TMEM223: variants seen among roughly 807,000 people sequenced by gnomAD.
TMEM223 encodes transmembrane protein 223.
A neutral mutation model predicts 14.1 loss-of-function variants in TMEM223; 14 were observed. The observed-to-expected ratio is 0.99, with a 90% CI of 0.66 to 1.55. TMEM223 has a LOEUF of 1.55. Ranked by LOEUF, TMEM223 falls within the 40% of genes most tolerant of loss-of-function variation. The pLI, the probability that TMEM223 is intolerant of heterozygous loss-of-function variation, is 0.00. For missense variants in TMEM223, 346 were observed against 269.9 expected (o/e 1.28, Z -1.97); for synonymous variants, 145 against 120.5 (o/e 1.20, Z -1.33).
chr11:62,783,744 G>C (rs2084248169), downstream of TMEM223, among the ~76,000 whole-genome samples: 1 of 151,566 alleles, frequency 6.6e-6, no homozygotes, highest in Admixed American at 6.6e-5. Flanking sequence ...TGTTAGCCAG[G>C]CTGGTCTCAA....
At chr11:62,781,709 A>G in intron 1 of TMEM223, 1 of 556,256 alleles carries the variant, frequency 1.8e-6, no homozygotes, top group Non-Finnish European at 3.2e-6. Flanking sequence ...TCAGGGCCAT[A>G]TGCAGGTATA....
At chr11:62,773,211 G>A (rs187252487) in intron 2 of TMEM223, among the ~76,000 whole-genome samples, 2,914 of 150,658 alleles carry the variant, frequency 0.019, 80 homozygotes, top group African/African-American at 0.066. Context: ...GCAGTGGTGC[G>A]ATCTTGGCTC....
chr11:62,788,429 GC>G (rs2084315166), downstream of TMEM223, among the ~76,000 whole-genome samples: 1 of 151,798 alleles, frequency 6.6e-6, no homozygotes, highest in South Asian at 2.1e-4. Context: ...CACTGGCCGG[GC>G]CTGGTGGCTC....
rs768601243 is a variant in TMEM223 at position 62,791,859 on chromosome 11, TGAA to T, written c.133_135del (p.Phe45del). 1 of 1,592,590 alleles carries T rather than the reference TGAA, an allele frequency of 6.3e-7. No individual in the cohort carries two copies. Among genetic ancestry groups the T allele is most frequent in the African/African-American group, 1.3e-5 (1 of 74,670 alleles). ...CCCGCGCAGAACAGCCCGAGGATGGTGAAGAAGCGGCCCCGATCATGCTCAAAG... is the reference window on the plus strand; with the variant it reads ...CCCGCGCAGAACAGCCCGAGGATGGTGAAGCGGCCCCGATCATGCTCAAAG... On this transcript the variant is annotated inframe_deletion, in exon 1 of 2. Transcript: ENST00000307366.
downstream of TMEM223, among the ~76,000 whole-genome samples, chr11:62,784,429 C>T (rs1038812998): frequency 8.6e-5 from 13 of 151,732 alleles, no homozygotes; most frequent in South Asian, 1.9e-3. Flanking sequence ...CTCAGCCTCC[C>T]GAGAGTAGCT....
downstream of TMEM223, chr11:62,771,272 C>T (rs1392562146): frequency 2.0e-5 from 3 of 152,362 alleles, no homozygotes; most frequent in East Asian, 5.8e-4. Context: ...GTCACGTGAC[C>T]GCCGGTCTCT....
intron 1 of TMEM223, among the ~76,000 whole-genome samples, chr11:62,779,187 A>ATTTTG (rs761827013): frequency 9.9e-5 from 15 of 151,038 alleles, no homozygotes; most frequent in Non-Finnish European, 1.5e-4. Flanking sequence ...TGCCCGGCTA[A>ATTTTG]TTTTGTTTTG....
chr11:62,790,312 G>C lies in TMEM223; in HGVS notation c.*311C>G, dbSNP rs1190069923. ...AAGGAGTGAAGGCTAAGCAGACATG[G>C]ACTGAAACTTAGAGGTACTGTTAGG... On this transcript the variant is annotated 3_prime_UTR_variant, in exon 2 of 2. Transcript: ENST00000307366. 8 of 544,944 alleles carry C rather than the reference G, an allele frequency of 1.5e-5. No homozygotes were observed. Among genetic ancestry groups the C allele is most frequent in the Non-Finnish European group, 2.2e-5 (7 of 314,420 alleles). The allele number at this position is 544,944 out of a possible 1,614,324, so 33.8% of individuals were successfully genotyped here.
chr11:62,786,796 G>T (rs773128852), downstream of TMEM223: 6 of 1,610,416 alleles, frequency 3.7e-6, no homozygotes, highest in Admixed American at 1.0e-4. Flanking sequence ...CACACGCTTT[G>T]GCACCGGCCA....
downstream of TMEM223, among the ~76,000 whole-genome samples, chr11:62,788,768 T>A (rs2084322049): frequency 6.6e-6 from 1 of 151,552 alleles, no homozygotes; most frequent in African/African-American, 2.4e-5. Context: ...ACAGAGACCA[T>A]AACTTGTGAG....
At chr11:62,779,976 A>T (rs200540128) in intron 1 of TMEM223, among the ~76,000 whole-genome samples, 1,732 of 52,630 alleles carry the variant, frequency 0.033, 104 homozygotes, top group African/African-American at 0.084. Flanking sequence ...ATATATATAT[A>T]TTTTTTTTTT....
chr11:62,778,137 CG>C (rs1565187663), intron 1 of TMEM223: 1 of 1,614,054 alleles, frequency 6.2e-7, no homozygotes, highest in Non-Finnish European at 8.5e-7. Context: ...AGGTGGCTGC[CG>C]GGGTCCTGCA....
chr11:62,785,717 T>C (rs987188184), downstream of TMEM223, among the ~76,000 whole-genome samples: 13 of 151,364 alleles, frequency 8.6e-5, no homozygotes, highest in African/African-American at 3.2e-4. Context: ...GTATTTTTAG[T>C]AGAGATGGGG....
chr11:62,778,550 G>A, intron 1 of TMEM223: 2 of 641,388 alleles, frequency 3.1e-6, no homozygotes, highest in South Asian at 1.9e-5. Context: ...CATGTTGGAT[G>A]CTAAGACAGA....
downstream of TMEM223, among the ~76,000 whole-genome samples, chr11:62,788,322 G>A (rs1465828473): frequency 6.6e-6 from 1 of 152,168 alleles, no homozygotes; most frequent in Non-Finnish European, 1.5e-5. Flanking sequence ...AGAATCGCTT[G>A]AACCTGGGAG....
intron 1 of TMEM223, chr11:62,782,340 A>C: frequency 6.2e-7 from 1 of 1,612,628 alleles, no homozygotes; most frequent in Non-Finnish European, 8.5e-7. Flanking sequence ...TCTGGTAGCC[A>C]CTGGGCCTAA....
downstream of TMEM223, among the ~76,000 whole-genome samples, chr11:62,788,479 C>T (rs531730645): frequency 6.6e-5 from 10 of 152,100 alleles, no homozygotes; most frequent in South Asian, 1.5e-3. Flanking sequence ...CCGTGGCAGG[C>T]GGATCACGAG....
downstream of TMEM223, chr11:62,787,901 G>C: frequency 1.9e-6 from 1 of 531,438 alleles, no homozygotes; most frequent in South Asian, 1.5e-5. Flanking sequence ...GAGAAATAAA[G>C]CATAGTGTAG....
At chr11:62,782,293 C>T (rs2134716571) in intron 1 of TMEM223, 2 of 1,614,174 alleles carry the variant, frequency 1.2e-6, no homozygotes, top group South Asian at 1.1e-5. Context: ...CCACTGGACT[C>T]TGCGGGATGG....
Sources: gnomAD v4.1 joint callset for allele counts (sites outside exome capture counted in the v4.1 genomes callset) on GRCh38, gnomAD v4.1.1 for gene constraint, MANE v1.5 for transcripts, NCBI Gene and HGNC (gene_info 2026-07-23, HGNC 2026-07-21) for gene names.